The following TSPEAR variants were observed in gnomAD, a reference collection of about 807,000 sequenced individuals.
The protein encoded by TSPEAR is thrombospondin type laminin G domain and EAR repeats, also known as thrombospondin-type laminin G domain and EAR repeat-containing protein.
Under a neutral mutation model 71.6 loss-of-function variants are expected in TSPEAR, and 69 were observed. The ratio of observed to expected loss-of-function variants is 0.96; its 90% CI spans 0.79 to 1.18. The LOEUF (loss-of-function observed/expected upper bound fraction) is 1.18, where lower values mean the gene tolerates loss of function less well. Among genes scored for constraint, TSPEAR ranks in the 50% most tolerant of loss-of-function variants. The probability of loss-of-function intolerance (pLI) is 0.00; values close to 1 mark genes in which losing one functional copy is unlikely to be tolerated. For synonymous variants in TSPEAR, 402 were observed against 387.2 expected (o/e 1.04, Z -0.45); for missense variants, 971 against 894.9 (o/e 1.09, Z -1.09).
intron 1 of TSPEAR, among the ~76,000 whole-genome samples, chr21:44,696,950 C>T (rs1352267137): frequency 6.6e-6 from 1 of 152,150 alleles, no homozygotes; most frequent in Non-Finnish European, 1.5e-5. Flanking sequence ...GGACAACACA[C>T]ACACCCTTGA....
At chr21:44,530,976 G>A (rs1555915675) in intron 4 of TSPEAR, 67 bp downstream of exon 4, 1 of 1,282,056 alleles carries the variant, frequency 7.8e-7, no homozygotes, top group South Asian at 1.2e-5. Context: ...AGAGCAGTAG[G>A]ACAACTGGCC....
chr21:44,690,222 T>C (rs1180824558), intron 1 of TSPEAR, among the ~76,000 whole-genome samples: 2 of 152,240 alleles, frequency 1.3e-5, no homozygotes, highest in African/African-American at 4.8e-5. Context: ...CTAGTGAATG[T>C]AATCCCTGAT....
intron 1 of TSPEAR, among the ~76,000 whole-genome samples, chr21:44,660,496 C>A (rs1258234849): frequency 6.6e-6 from 1 of 152,198 alleles, no homozygotes; most frequent in Non-Finnish European, 1.5e-5. Context: ...GAAAGAAAAT[C>A]CGTCGACCCT....
chr21:44,582,584 C>G (rs1006193265), intron 1 of TSPEAR, among the ~76,000 whole-genome samples: 1 of 152,166 alleles, frequency 6.6e-6, no homozygotes, highest in African/African-American at 2.4e-5. Flanking sequence ...CTCTGTCGCT[C>G]CCTTCTCCTG....
intron 1 of TSPEAR, among the ~76,000 whole-genome samples, chr21:44,656,993 G>T (rs1283189699): frequency 2.6e-5 from 4 of 151,960 alleles, no homozygotes; most frequent in Non-Finnish European, 5.9e-5. Flanking sequence ...GGGTCCTCAT[G>T]ATCTGACCAG....
chr21:44,507,606 C>T (rs1397627448), intron 10 of TSPEAR, among the ~76,000 whole-genome samples: 1 of 152,204 alleles, frequency 6.6e-6, no homozygotes, highest in African/African-American at 2.4e-5. Context: ...GGCCATAAGT[C>T]GCGAGTGTGT....
intron 2 of TSPEAR, among the ~76,000 whole-genome samples, chr21:44,560,182 T>C (rs2053612280): frequency 2.0e-5 from 3 of 149,886 alleles, no homozygotes; most frequent in Admixed American, 6.6e-5. Context: ...GGGGTTGCAA[T>C]CCTAGTCTCT....
chr21:44,615,549 G>GTTT (rs56708587), intron 1 of TSPEAR, among the ~76,000 whole-genome samples: 26 of 136,516 alleles, frequency 1.9e-4, no homozygotes, highest in East Asian at 1.5e-3. Flanking sequence ...ATAACCAAAG[G>GTTT]TTTTTTTTTT....
chr21:44,544,673 G>A (rs1555917563), intron 2 of TSPEAR, among the ~76,000 whole-genome samples: 2 of 152,118 alleles, frequency 1.3e-5, no homozygotes, highest in Non-Finnish European at 2.9e-5. Context: ...GAGCAACTGA[G>A]GAATGCTATG....
intron 1 of TSPEAR, among the ~76,000 whole-genome samples, chr21:44,680,319 T>G (rs55781313): frequency 0.054 from 8,245 of 152,160 alleles, 240 homozygotes; most frequent in Middle Eastern, 0.14. Context: ...TCAGGGAACT[T>G]CAGATCAAAA....
At chr21:44,689,739 A>ATATATATATATATATT (rs1555949531) in intron 1 of TSPEAR, among the ~76,000 whole-genome samples, 1 of 128,172 alleles carries the variant, frequency 7.8e-6, no homozygotes, top group Non-Finnish European at 1.6e-5. Context: ...ATATATATAT[A>ATATATATATATATATT]TTTTGGGGGG....
chr21:44,509,867 T>C, intron 9 of TSPEAR: 1 of 170,086 alleles, frequency 5.9e-6, no homozygotes, highest in East Asian at 1.8e-4. Flanking sequence ...CTGTCTCACC[T>C]CTTCCAGGAA....
At chr21:44,670,453 C>A (rs191322536) in intron 1 of TSPEAR, among the ~76,000 whole-genome samples, 2 of 151,698 alleles carry the variant, frequency 1.3e-5, no homozygotes, top group Non-Finnish European at 2.9e-5. Flanking sequence ...AGCAAAGAAG[C>A]GACAGGAAAT....
At chr21:44,545,644 C>T (rs1202095453) in intron 2 of TSPEAR, among the ~76,000 whole-genome samples, 1 of 152,098 alleles carries the variant, frequency 6.6e-6, no homozygotes, top group African/African-American at 2.4e-5. Flanking sequence ...TTAAATTACA[C>T]ACTCTCAAAC....
chr21:44,552,271 C>T (rs1005461429), intron 2 of TSPEAR, among the ~76,000 whole-genome samples: 10 of 152,096 alleles, frequency 6.6e-5, no homozygotes, highest in Non-Finnish European at 1.3e-4. Flanking sequence ...TGGGCAAAGC[C>T]AGCCTGTGCT....
intron 1 of TSPEAR, among the ~76,000 whole-genome samples, chr21:44,655,306 A>G (rs4818953): frequency 0.77 from 116,908 of 152,074 alleles, 45,446 homozygotes; most frequent in African/African-American, 0.89. Flanking sequence ...GGTCGTTACC[A>G]CTGTGCCAAA....
chr21:44,580,078 G>C, intron 1 of TSPEAR: 1 of 1,613,788 alleles, frequency 6.2e-7, no homozygotes, highest in Middle Eastern at 1.7e-4. Context: ...ACTGCTGGCA[G>C]GGGGAGGAGG....
Position 44,642,108 on chromosome 21 carries a change from T to C in TSPEAR, c.82+69325A>G, listed in dbSNP as rs370668620. Among the ~76,000 whole-genome samples, 10 of 152,340 alleles carry C rather than the reference T, an allele frequency of 6.6e-5. No individual in the cohort carries two copies. In the East Asian group the frequency reaches 1.3e-3, roughly 21 times the overall value. On this transcript the variant is annotated intron_variant, in intron 1 of 11. Coordinates refer to ENST00000323084, the MANE Select transcript of TSPEAR (RefSeq NM_144991.3). This position sits in a 1 kb window ranked among gnomAD's most constrained non-coding sequence, Gnocchi z 4.1. ...CCTGTTTCAGTATAAGAAAATAGTA[T>C]GGGTATATTTATCCTAAAATTTGGA...
At chr21:44,706,275 G>C (rs1273030108) in intron 1 of TSPEAR, among the ~76,000 whole-genome samples, 2 of 152,204 alleles carry the variant, frequency 1.3e-5, no homozygotes, top group Non-Finnish European at 2.9e-5. Context: ...TGCGTCCCGG[G>C]TTCTTCCGCG....
Sources: gnomAD v4.1 joint callset for allele counts (sites outside exome capture counted in the v4.1 genomes callset) on GRCh38, gnomAD v4.1.1 for gene constraint, Gnocchi (gnomAD v3.1) non-coding constraint, MANE v1.5 for transcripts, NCBI Gene and HGNC (gene_info 2026-07-23, HGNC 2026-07-21) for gene names.